LYPLA2: variants seen among roughly 807,000 people sequenced by gnomAD.
LYPLA2 encodes acyl-protein thioesterase 2.
Under a neutral mutation model 30.3 loss-of-function variants are expected in LYPLA2, and 7 were observed. The observed-to-expected ratio is 0.23, with a 90% CI of 0.13 to 0.43. The LOEUF (loss-of-function observed/expected upper bound fraction) is 0.43. Among genes scored for constraint, LYPLA2 ranks in the 20% least tolerant of loss-of-function variants. The pLI, the probability that LYPLA2 is intolerant of heterozygous loss-of-function variation, is 1.00. For missense variants in LYPLA2, 206 were observed against 307.9 expected, an observed-to-expected ratio of 0.67 and a Z score of 2.48; for synonymous variants, 112 against 118.2, an observed-to-expected ratio of 0.95 and a Z score of 0.34.
Position 23,795,273 on chromosome 1 carries a change from A to AG in LYPLA2, c.*547dup, listed in dbSNP as rs1339712163. 1 of 242,244 alleles carries AG rather than the reference A, an allele frequency of 4.1e-6. No individual in the cohort carries two copies. The highest frequency in any genetic ancestry group is 4.6e-5 in the South Asian group (1 of 21,712). 15.0% of individuals were successfully genotyped at this position (242,244 alleles called of 1,614,324 possible). A position where few individuals can be genotyped will look rare whatever the true frequency, so the allele number is the denominator to read the frequency against. ...GCTGGTGAGGAGGTGGAGCCTTTTG[A>AG]GGGGGGCCTTCCCTCAGCTGTTTCC... On this transcript the variant is annotated 3_prime_UTR_variant, in exon 10 of 10. Coordinates refer to ENST00000374514, the MANE Select transcript of LYPLA2 (RefSeq NM_007260.3).
At chr1:23,792,889 G>A (rs1638826606) in intron 2 of LYPLA2, 119 bp from the exon 3 acceptor site, 2 of 1,263,142 alleles carry the variant, frequency 1.6e-6, no homozygotes, top group Admixed American at 1.8e-5. Context: ...GCTCGGGGTA[G>A]TAACCTGTTT....
chr1:23,793,301 C>A lies in LYPLA2; in HGVS notation c.176+85C>A. On this transcript the variant is annotated intron_variant, in intron 4 of 9. Coordinates refer to ENST00000374514, the MANE Select transcript of LYPLA2 (RefSeq NM_007260.3). This position sits in a 1 kb window ranked among gnomAD's most constrained non-coding sequence, Gnocchi z 6.0. ...TCATCCCAGGCCTGTTCTCTCCTGT[C>A]AGTTGCATCCTGGGGCTTGGGCTCA... 7.2e-7 allele frequency: 1 copy of A among 1,385,528 alleles called. No individual in the cohort carries two copies. The highest frequency in any genetic ancestry group is 1.0e-6 in the Non-Finnish European group (1 of 980,398). 85.8% of individuals were successfully genotyped at this position (1,385,528 alleles called of 1,614,324 possible).
rs1039618582 is a variant in LYPLA2, at chr1:23,793,539, A to T, written c.177-166A>T. The T allele has an allele frequency of 1.3e-6, 1 of 742,086 alleles. No homozygotes were observed. Among genetic ancestry groups the T allele is most frequent in the East Asian group, 2.5e-5 (1 of 40,786 alleles). 46.0% of individuals were successfully genotyped at this position (742,086 alleles called of 1,614,324 possible). On this transcript the variant is annotated intron_variant, in intron 4 of 9. Coordinates refer to ENST00000374514, the MANE Select transcript of LYPLA2 (RefSeq NM_007260.3). This position sits in a 1 kb window ranked among gnomAD's most constrained non-coding sequence, Gnocchi z 6.0. ...TCTCCATTACTGGCGCTTTGCCCCA[A>T]CCACAGCCTCCAGCCCCACGTGGCA...
chr1:23,793,638 C>T lies in LYPLA2; in HGVS notation c.177-67C>T, dbSNP rs530139246. 2.8e-5 allele frequency: 44 copies of T among 1,549,726 alleles called. No homozygotes were observed. The South Asian group carries it at 3.1e-4, about 11-fold the overall frequency. The stretch of plus-strand genomic sequence containing the variant: ...CACCAGGGGCGGCGCGGCCCCACTC[C>T]GGGCTCTGAGCTCTGGCCTCCTCAT... On this transcript the variant is annotated intron_variant, in intron 4 of 9. Coordinates refer to ENST00000374514, the MANE Select transcript of LYPLA2 (RefSeq NM_007260.3). This position sits in a 1 kb window ranked among gnomAD's most constrained non-coding sequence, Gnocchi z 6.0.
Position 23,795,203 on chromosome 1 carries a change from C to T in LYPLA2, c.*471C>T, listed in dbSNP as rs1256190913. ...TCAGTCATGAATGTGGCCATGGCCC[C>T]GGGGTCCCCTTGCTGCTGTGGGCTC... On this transcript the variant is annotated 3_prime_UTR_variant, in exon 10 of 10. Coordinates refer to ENST00000374514, the MANE Select transcript of LYPLA2 (RefSeq NM_007260.3). The T allele has an allele frequency of 7.5e-5, 22 of 294,934 alleles. No individual in the cohort carries two copies. Among genetic ancestry groups the T allele is most frequent in the Non-Finnish European group, 1.2e-4 (18 of 148,490 alleles). The allele number at this position is 294,934 out of a possible 1,614,324, so 18.3% of individuals were successfully genotyped here.
chr1:23,793,753 G>C lies in LYPLA2; in HGVS notation c.224+1G>C. ...ACATGAAGATGGTGATGCCCTCCTG[G>C]TGAGTTTGGGAGTGGGGGTGGGCAG... On this transcript the variant is annotated splice_donor_variant, in intron 5 of 9. Transcript: ENST00000374514. LOFTEE classifies it high-confidence loss of function. This position sits in a 1 kb window ranked among gnomAD's most constrained non-coding sequence, Gnocchi z 6.0. The C allele has an allele frequency of 6.2e-7, 1 of 1,614,060 alleles. No individual in the cohort carries two copies.
chr1:23,793,975 C>A lies in LYPLA2; in HGVS notation c.295+45C>A, dbSNP rs775820443. On this transcript the variant is annotated intron_variant, in intron 6 of 9. Transcript: ENST00000374514. The surrounding 1 kb of genome is among the most constrained non-coding windows in gnomAD (Gnocchi z 6.0). ...TCCACATCCTCCTTCCCCTGCCCCCCAGGAAAGCGCTGGGCGGTTCCTCAG... is the reference window on the plus strand; with the variant it reads ...TCCACATCCTCCTTCCCCTGCCCCCAAGGAAAGCGCTGGGCGGTTCCTCAG... 2.5e-6 allele frequency: 4 copies of A among 1,596,294 alleles called. No homozygotes were observed. The African/African-American group carries it at 4.0e-5, about 16-fold the overall frequency.
At chr1:23,791,741 C>T (rs1638796978) in intron 1 of LYPLA2, among the ~76,000 whole-genome samples, 1 of 151,880 alleles carries the variant, frequency 6.6e-6, no homozygotes, top group African/African-American at 2.4e-5. Flanking sequence ...GGAATCGCAG[C>T]TCAGGGCAGG....
chr1:23,793,105 T>G lies in LYPLA2; in HGVS notation c.111-46T>G, dbSNP rs529404899. 2.9e-5 allele frequency: 47 copies of G among 1,613,400 alleles called. No individual in the cohort carries two copies. Among genetic ancestry groups the G allele is most frequent in the Non-Finnish European group, 3.9e-5 (46 of 1,179,506 alleles). On this transcript the variant is annotated intron_variant, in intron 3 of 9. Coordinates refer to ENST00000374514, the MANE Select transcript of LYPLA2 (RefSeq NM_007260.3). The surrounding 1 kb of genome is among the most constrained non-coding windows in gnomAD (Gnocchi z 6.0). The stretch of plus-strand genomic sequence containing the variant: ...GGCCCAGCAGCGGACTGGAGAGGCC[T>G]TCTCTTCCTACCACATCGGAGCCTT...
At chr1:23,792,079 TCTGGGGACATGGGCAGCCCC>T (rs1638805028) in intron 1 of LYPLA2, 1 of 148,084 alleles carries the variant, frequency 6.8e-6, no homozygotes, top group Non-Finnish European at 1.5e-5. Context: ...TCTTACGCTT[TCTGGGGACATGGGCAGCCCC>T]CTGGGGGTCT....
In LYPLA2 at chr1:23,794,723, T is replaced by A. The variant is rs1638892143; in HGVS notation, c.687T>A (p.Pro229=). ...AVKEFLEKLL[P]PV is the part of the protein sequence containing the mutation. ...AGGAATTTCTTGAGAAGCTGCTGCC[T>A]CCTGTCTAACTAGTCGCTGGCCCCA... The change falls in exon 10 of 10, where the codon CCT becomes CCA. Residue 229 remains proline, a synonymous_variant. Coordinates refer to ENST00000374514, the MANE Select transcript of LYPLA2 (RefSeq NM_007260.3). This position sits in a 1 kb window ranked among gnomAD's most constrained non-coding sequence, Gnocchi z 5.9. 6.2e-7 allele frequency: 1 copy of A among 1,614,062 alleles called. No individual in the cohort carries two copies. Among genetic ancestry groups the A allele is most frequent in the African/African-American group, 1.3e-5 (1 of 74,936 alleles).
rs1210857386 is a variant in LYPLA2 at position 23,794,548 on chromosome 1, C to T, written c.593C>T (p.Ala198Val). The change falls in exon 9 of 10, where the codon GCC (alanine) becomes GTC (valine). Residue 198 changes from alanine to valine, a missense_variant. Transcript: ENST00000374514. The surrounding 1 kb of genome is among the most constrained non-coding windows in gnomAD (Gnocchi z 5.9). ...AAGCTCCGGTCTGTTGTCACACCTG[C>T]CAGGGTCCAGTTCAAGACATACCCG... is the stretch of plus-strand genomic sequence containing the variant. Reference protein sequence around the residue: ...AEKLRSVVTPARVQFKTYPGV... With the variant: ...AEKLRSVVTPVRVQFKTYPGV... The T allele has an allele frequency of 6.2e-7, 1 of 1,614,152 alleles. No individual in the cohort carries two copies. Among genetic ancestry groups the T allele is most frequent in the Admixed American group, 1.7e-5 (1 of 60,018 alleles).
rs527596563 is a variant in LYPLA2, at chr1:23,794,209, C to A, written c.370-15C>A. The A allele has an allele frequency of 6.2e-7, 1 of 1,603,420 alleles. No homozygotes were observed. The highest frequency in any genetic ancestry group is 8.5e-7 in the Non-Finnish European group (1 of 1,174,640). On this transcript the variant is annotated splice_polypyrimidine_tract_variant and intron_variant, in intron 7 of 9. Transcript: ENST00000374514. This position sits in a 1 kb window ranked among gnomAD's most constrained non-coding sequence, Gnocchi z 5.9. The stretch of plus-strand genomic sequence containing the variant: ...TGAGCTGTGCCCTCATGACCCCTCT[C>A]TCTCCTCCCTCCAGGGCGGGGCCCT...
rs1638886892 is a variant in LYPLA2, at chr1:23,794,579, C to T, written c.624C>T (p.Val208=). The change falls in exon 9 of 10, where the codon GTC becomes GTT. Residue 208 remains valine, a synonymous_variant. Coordinates refer to ENST00000374514, the MANE Select transcript of LYPLA2 (RefSeq NM_007260.3). This position sits in a 1 kb window ranked among gnomAD's most constrained non-coding sequence, Gnocchi z 5.9. ...ARVQFKTYPG[V]MHSSCPQEMA... ...TCCAGTTCAAGACATACCCGGGTGT[C>T]ATGCACAGCTCCTGTCCTCAGGTCA... is the stretch of plus-strand genomic sequence containing the variant. 1 of 1,614,048 alleles carries T rather than the reference C, an allele frequency of 6.2e-7. No individual in the cohort carries two copies. Among genetic ancestry groups the T allele is most frequent in the South Asian group, 1.1e-5 (1 of 91,090 alleles).
In LYPLA2 at chr1:23,794,830, A is replaced by T; in HGVS notation, c.*98A>T. On this transcript the variant is annotated 3_prime_UTR_variant, in exon 10 of 10. Coordinates refer to ENST00000374514, the MANE Select transcript of LYPLA2 (RefSeq NM_007260.3). This position sits in a 1 kb window ranked among gnomAD's most constrained non-coding sequence, Gnocchi z 5.9. Reference sequence around the variant, plus strand: ...CTGAGCCGGTCGAGCCCCTGTCCCCACCCTTCCTGACCTGTCCTTTTCCCA... The same window carrying T: ...CTGAGCCGGTCGAGCCCCTGTCCCCTCCCTTCCTGACCTGTCCTTTTCCCA... 2.2e-6 allele frequency: 3 copies of T among 1,353,596 alleles called. No homozygotes were observed. The highest frequency in any genetic ancestry group is 3.1e-6 in the Non-Finnish European group (3 of 962,418). The allele number at this position is 1,353,596 out of a possible 1,614,324, so 83.8% of individuals were successfully genotyped here.
At position 23,794,049 on chromosome 1, in the gene LYPLA2, G is replaced by GC; in HGVS notation, c.296-9dup. ...TGGCAGCTTCCCTCTACCCACTCAT[G>GC]CCCCCTCCCCCAGTCAAGGCCTTGA... On this transcript the variant is annotated splice_polypyrimidine_tract_variant and intron_variant, in intron 6 of 9. Coordinates refer to ENST00000374514, the MANE Select transcript of LYPLA2 (RefSeq NM_007260.3). This position sits in a 1 kb window ranked among gnomAD's most constrained non-coding sequence, Gnocchi z 5.9. The GC allele has an allele frequency of 1.9e-6, 3 of 1,606,020 alleles. No homozygotes were observed. The highest frequency in any genetic ancestry group is 2.6e-6 in the Non-Finnish European group (3 of 1,175,396).
rs764378547 is a variant in LYPLA2, at chr1:23,794,050, C to A, written c.296-13C>A. 1.2e-6 allele frequency: 2 copies of A among 1,612,298 alleles called. No homozygotes were observed. Among genetic ancestry groups the A allele is most frequent in the African/African-American group, 2.7e-5 (2 of 74,806 alleles). Reference sequence around the variant, plus strand: ...GGCAGCTTCCCTCTACCCACTCATGCCCCCTCCCCCAGTCAAGGCCTTGAT... The same window carrying A: ...GGCAGCTTCCCTCTACCCACTCATGACCCCTCCCCCAGTCAAGGCCTTGAT... On this transcript the variant is annotated splice_polypyrimidine_tract_variant and intron_variant, in intron 6 of 9. Transcript: ENST00000374514. This position sits in a 1 kb window ranked among gnomAD's most constrained non-coding sequence, Gnocchi z 5.9.
In LYPLA2 at chr1:23,794,561, C is replaced by G. The variant is rs1179453943; in HGVS notation, c.606C>G (p.Phe202Leu). The change falls in exon 9 of 10, where the codon TTC (phenylalanine) becomes TTG (leucine). Residue 202 changes from phenylalanine to leucine, a missense_variant. Transcript: ENST00000374514. This position sits in a 1 kb window ranked among gnomAD's most constrained non-coding sequence, Gnocchi z 5.9. The part of the protein sequence containing the change: ...RSVVTPARVQ[F>L]KTYPGVMHSS... ...TTGTCACACCTGCCAGGGTCCAGTT[C>G]AAGACATACCCGGGTGTCATGCACA... The G allele has an allele frequency of 6.2e-7, 1 of 1,614,148 alleles. No homozygotes were observed. Among genetic ancestry groups the G allele is most frequent in the South Asian group, 1.1e-5 (1 of 91,086 alleles).
rs749069180 is a variant in LYPLA2, at chr1:23,793,294, C to T, written c.176+78C>T. On this transcript the variant is annotated intron_variant, in intron 4 of 9. Coordinates refer to ENST00000374514, the MANE Select transcript of LYPLA2 (RefSeq NM_007260.3). This position sits in a 1 kb window ranked among gnomAD's most constrained non-coding sequence, Gnocchi z 6.0. ...GGTCCTGTCATCCCAGGCCTGTTCT[C>T]TCCTGTCAGTTGCATCCTGGGGCTT... 7 of 1,452,462 alleles carry T rather than the reference C, an allele frequency of 4.8e-6. No individual in the cohort carries two copies. Among genetic ancestry groups the T allele is most frequent in the South Asian group, 1.1e-5 (1 of 87,114 alleles). The allele number at this position is 1,452,462 out of a possible 1,614,324, so 90.0% of individuals were successfully genotyped here.
Sources: gnomAD v4.1 joint callset for allele counts (sites outside exome capture counted in the v4.1 genomes callset) on GRCh38, gnomAD v4.1.1 for gene constraint, Gnocchi (gnomAD v3.1) non-coding constraint, MANE v1.5 for transcripts, NCBI Gene and HGNC (gene_info 2026-07-23, HGNC 2026-07-21) for gene names.